CYP39A1: variants seen among roughly 807,000 people sequenced by gnomAD.
The protein encoded by CYP39A1 is cytochrome P450 family 39 subfamily A member 1.
Under a neutral mutation model 58.1 loss-of-function variants are expected in CYP39A1, and 49 were observed. The observed-to-expected ratio is 0.84, with a 90% CI of 0.67 to 1.07. The LOEUF is 1.07. Among genes scored for constraint, CYP39A1 ranks in the 50% least tolerant of loss-of-function variants. The pLI is 0.00. For missense variants in CYP39A1, 531 were observed against 539.4 expected, an observed-to-expected ratio of 0.98 and a Z score of 0.16; for synonymous variants, 209 against 187.6, an observed-to-expected ratio of 1.11 and a Z score of -0.93.
At chr6:46,612,787 C>A (rs1230786829) in intron 7 of CYP39A1, among the ~76,000 whole-genome samples, 1 of 152,190 alleles carries the variant, frequency 6.6e-6, no homozygotes, top group Non-Finnish European at 1.5e-5. Context: ...TTATTTTGGG[C>A]AATGCATCGC....
intron 8 of CYP39A1, among the ~76,000 whole-genome samples, chr6:46,591,809 G>A (rs989932466): frequency 1.3e-5 from 2 of 152,028 alleles, no homozygotes; most frequent in African/African-American, 4.8e-5. Flanking sequence ...TATTAAAAGA[G>A]TCACTTATCC....
chr6:46,607,285 T>C (rs1173728682), intron 7 of CYP39A1, among the ~76,000 whole-genome samples: 10 of 151,928 alleles, frequency 6.6e-5, no homozygotes, highest in Admixed American at 2.6e-4. Context: ...AAATTTCAAC[T>C]AAGCCTGGAA....
intron 10 of CYP39A1, among the ~76,000 whole-genome samples, chr6:46,562,290 T>C (rs1418558510): frequency 6.6e-6 from 1 of 152,028 alleles, no homozygotes; most frequent in Non-Finnish European, 1.5e-5. Context: ...CCCAAAGTGC[T>C]GGGATTATAG....
intron 2 of CYP39A1, among the ~76,000 whole-genome samples, 181 bp downstream of exon 2, chr6:46,641,982 T>G (rs1190280509): frequency 6.6e-6 from 1 of 152,196 alleles, no homozygotes; most frequent in African/African-American, 2.4e-5. Context: ...CTGCCATTCA[T>G]TTGCATTTCA....
intron 1 of CYP39A1, 108 bp downstream of exon 1, chr6:46,652,298 G>A (rs1762745744): frequency 4.7e-6 from 5 of 1,065,242 alleles, no homozygotes; most frequent in Non-Finnish European, 6.6e-6. Context: ...GTTGAGGCAA[G>A]CAGGTATGTT....
intron 8 of CYP39A1, among the ~76,000 whole-genome samples, chr6:46,595,188 G>A (rs1053263120): frequency 6.6e-6 from 1 of 151,870 alleles, no homozygotes; most frequent in East Asian, 1.9e-4. Flanking sequence ...AGAGAAAAGG[G>A]AACACTTGCA....
At chr6:46,560,604 T>C (rs1174073164) in intron 10 of CYP39A1, among the ~76,000 whole-genome samples, 2 of 152,126 alleles carry the variant, frequency 1.3e-5, no homozygotes, top group Non-Finnish European at 2.9e-5. Flanking sequence ...GCCTTTTAGA[T>C]ATCCAAAGAA....
intron 6 of CYP39A1, among the ~76,000 whole-genome samples, chr6:46,628,706 C>T (rs1046081523): frequency 5.9e-5 from 9 of 152,112 alleles, no homozygotes; most frequent in Non-Finnish European, 1.5e-5. Flanking sequence ...CCACCACCTA[C>T]ACCTCTGGTA....
Position 46,581,419 on chromosome 6 carries a change from A to G in CYP39A1, c.1250+5658T>C, listed in dbSNP as rs184068076. ...GGCCTGTCTCAGAAAAAAAAAAAAA[A>G]AGAGAGAGACAGAGAAAAGAAAAAG... On this transcript the variant is annotated intron_variant, in intron 10 of 11. Coordinates refer to ENST00000275016, the MANE Select transcript of CYP39A1 (RefSeq NM_016593.5). 1.6e-3 allele frequency among the ~76,000 whole-genome samples: 237 copies of G among 151,884 alleles called. 5 individuals are homozygous for G. In the South Asian group the frequency reaches 0.027, roughly 18 times the overall value.
At chr6:46,609,372 G>A (rs1265758615) in intron 7 of CYP39A1, among the ~76,000 whole-genome samples, 4 of 149,092 alleles carry the variant, frequency 2.7e-5, no homozygotes, top group Non-Finnish European at 4.4e-5. Context: ...CACTGAGTCC[G>A]CGCCACTGCA....
chr6:46,587,167 T>C lies in CYP39A1; in HGVS notation c.1162-2A>G. On this transcript the variant is annotated splice_acceptor_variant, in intron 9 of 11. Transcript: ENST00000275016. LOFTEE classifies it high-confidence loss of function. ...TAAATTTGCCTTTTTCCAACGTTCC[T>C]GTGGGAAGAAAACATTTTTTTTTCC... is the stretch of plus-strand genomic sequence containing the variant. 1 of 1,598,850 alleles carries C rather than the reference T, an allele frequency of 6.3e-7. No homozygotes were observed. Among genetic ancestry groups the C allele is most frequent in the South Asian group, 1.1e-5 (1 of 89,476 alleles).
intron 5 of CYP39A1, among the ~76,000 whole-genome samples, chr6:46,632,675 C>G (rs1775733640): frequency 6.6e-6 from 1 of 152,054 alleles, no homozygotes; most frequent in African/African-American, 2.4e-5. Flanking sequence ...ATTATCTTCA[C>G]CATTATGCAT....
chr6:46,607,614 G>A (rs1247339577), intron 7 of CYP39A1, among the ~76,000 whole-genome samples: 1 of 152,062 alleles, frequency 6.6e-6, no homozygotes, highest in Non-Finnish European at 1.5e-5. Context: ...TGTTTTGCCA[G>A]AAAAGAAGGG....
At chr6:46,590,984 A>G (rs1292377424) in intron 8 of CYP39A1, among the ~76,000 whole-genome samples, 1 of 152,190 alleles carries the variant, frequency 6.6e-6, no homozygotes, top group Non-Finnish European at 1.5e-5. Context: ...TCTTCCACAC[A>G]GCATTTTTCC....
At chr6:46,638,084 A>G in intron 3 of CYP39A1, 106 bp from the exon 4 acceptor site, 1 of 1,114,366 alleles carries the variant, frequency 9.0e-7, no homozygotes, top group Non-Finnish European at 1.2e-6. Flanking sequence ...GGAGCAGATA[A>G]TAGGTGACAG....
chr6:46,637,288 T>A (rs1776047208), intron 4 of CYP39A1, among the ~76,000 whole-genome samples: 1 of 152,196 alleles, frequency 6.6e-6, no homozygotes, highest in Admixed American at 6.5e-5. Context: ...AAATTTCTGT[T>A]GTTTATAAGC....
intron 9 of CYP39A1, among the ~76,000 whole-genome samples, chr6:46,587,552 C>T (rs1362890521): frequency 2.0e-5 from 3 of 152,124 alleles, no homozygotes; most frequent in African/African-American, 7.2e-5. Flanking sequence ...AGAATGAATG[C>T]ATCTGGATGC....
intron 10 of CYP39A1, among the ~76,000 whole-genome samples, chr6:46,568,116 T>C (rs185117601): frequency 1.3e-5 from 2 of 152,270 alleles, no homozygotes; most frequent in East Asian, 3.9e-4. Context: ...TATAAGGTGG[T>C]ATTTCAATGG....
chr6:46,561,424 T>A (rs1164484940), intron 10 of CYP39A1, among the ~76,000 whole-genome samples: 1 of 151,990 alleles, frequency 6.6e-6, no homozygotes, highest in East Asian at 1.9e-4. Context: ...GAGGGTGCAG[T>A]ATGGGAGCTG....
Sources: gnomAD v4.1 joint callset for allele counts (sites outside exome capture counted in the v4.1 genomes callset) on GRCh38, gnomAD v4.1.1 for gene constraint, MANE v1.5 for transcripts, NCBI Gene and HGNC (gene_info 2026-07-23, HGNC 2026-07-21) for gene names.